Variants in MAP2K1 observed in about 807,000 individuals in gnomAD.
The protein encoded by MAP2K1 is mitogen-activated protein kinase kinase 1, also known as dual specificity mitogen-activated protein kinase kinase 1.
In MAP2K1, 16 loss-of-function variants were observed where a neutral mutation model predicts 46.3. The ratio of observed to expected loss-of-function variants is 0.35; its 90% confidence interval spans 0.23 to 0.52. The LOEUF (loss-of-function observed/expected upper bound fraction) is 0.52. Ranked by LOEUF, MAP2K1 falls within the 20% of genes least tolerant of loss-of-function variation. MAP2K1 has a pLI of 0.94. For synonymous variants in MAP2K1, 183 were observed against 185.6 expected, an observed-to-expected ratio of 0.99 and a Z score of 0.11; for missense variants, 263 against 497.1, an observed-to-expected ratio of 0.53 and a Z score of 4.48.
intron 4 of MAP2K1, among the ~76,000 whole-genome samples, chr15:66,443,700 G>A (rs1595865292): frequency 6.6e-6 from 1 of 151,688 alleles, no homozygotes; most frequent in Admixed American, 6.6e-5. Context: ...ATGAGACCTC[G>A]CTTCTACAAA....
At chr15:66,446,767 C>A in intron 5 of MAP2K1, 2 of 315,284 alleles carry the variant, frequency 6.3e-6, no homozygotes, top group Non-Finnish European at 1.3e-5. Flanking sequence ...GGCCTTGCAC[C>A]ACAGCCTTCC....
At chr15:66,472,723 G>T (rs933768980) in intron 5 of MAP2K1, among the ~76,000 whole-genome samples, 1 of 152,218 alleles carries the variant, frequency 6.6e-6, no homozygotes, top group Non-Finnish European at 1.5e-5. Context: ...TCCATTACGG[G>T]TTATCCCAAG....
chr15:66,388,970 G>T (rs868752230), intron 1 of MAP2K1, among the ~76,000 whole-genome samples: 1 of 144,882 alleles, frequency 6.9e-6, no homozygotes, highest in African/African-American at 2.6e-5. Context: ...GCAATGGTGC[G>T]ATCTTGGCTA....
intron 5 of MAP2K1, among the ~76,000 whole-genome samples, chr15:66,474,135 A>G (rs1262507868): frequency 6.6e-6 from 1 of 152,056 alleles, no homozygotes; most frequent in Non-Finnish European, 1.5e-5. Flanking sequence ...TAGGGAGGGT[A>G]GAGAAGGAGA....
chr15:66,469,719 C>T (rs79477238), intron 5 of MAP2K1, among the ~76,000 whole-genome samples: 1 of 144,864 alleles, frequency 6.9e-6, no homozygotes, highest in African/African-American at 2.5e-5. Flanking sequence ...CACACACACA[C>T]ACACATATCG....
At chr15:66,486,101 A>G (rs555258776) in intron 7 of MAP2K1, among the ~76,000 whole-genome samples, 106 of 152,040 alleles carry the variant, frequency 7.0e-4, no homozygotes, top group Non-Finnish European at 1.2e-3. Context: ...AGGTCTCACT[A>G]TGTTGACTAG....
intron 1 of MAP2K1, among the ~76,000 whole-genome samples, chr15:66,426,638 A>G (rs950624535): frequency 1.3e-5 from 2 of 152,180 alleles, no homozygotes; most frequent in South Asian, 2.1e-4. Context: ...GGTCTTTCAC[A>G]TTGTGGTGAA....
At chr15:66,394,753 G>A (rs1299000017) in intron 1 of MAP2K1, among the ~76,000 whole-genome samples, 1 of 152,122 alleles carries the variant, frequency 6.6e-6, no homozygotes, top group Non-Finnish European at 1.5e-5. Flanking sequence ...TGTCTGGCCT[G>A]ATAAGTAGGA....
chr15:66,417,090 G>C (rs1361593764), intron 1 of MAP2K1, among the ~76,000 whole-genome samples: 1 of 152,170 alleles, frequency 6.6e-6, no homozygotes. Flanking sequence ...AACAGGTATT[G>C]TTAGCCCAAA....
chr15:66,444,129 T>C (rs1891797732), intron 4 of MAP2K1, among the ~76,000 whole-genome samples: 1 of 150,648 alleles, frequency 6.6e-6, no homozygotes, highest in South Asian at 2.1e-4. Flanking sequence ...TCCCAGCTAC[T>C]CGGGAGGCTG....
chr15:66,472,389 AC>A (rs2140652287), intron 5 of MAP2K1, among the ~76,000 whole-genome samples: 1 of 151,924 alleles, frequency 6.6e-6, no homozygotes, highest in African/African-American at 2.4e-5. Flanking sequence ...CCAGCTGTCT[AC>A]CAGATGGAAC....
chr15:66,443,241 G>C (rs1463563405), intron 3 of MAP2K1, 39 bp from the exon 4 acceptor site: 1 of 1,297,966 alleles, frequency 7.7e-7, no homozygotes, highest in Admixed American at 1.7e-5. Context: ...AGAATAGTTA[G>C]AACATTGTCA....
At chr15:66,402,131 T>C (rs1269747397) in intron 1 of MAP2K1, among the ~76,000 whole-genome samples, 1 of 152,252 alleles carries the variant, frequency 6.6e-6, no homozygotes, top group Admixed American at 6.5e-5. Context: ...AGAAAAAATA[T>C]TTCATTTTTA....
At chr15:66,393,758 C>T (rs555449419) in intron 1 of MAP2K1, among the ~76,000 whole-genome samples, 16 of 152,220 alleles carry the variant, frequency 1.1e-4, no homozygotes, top group Non-Finnish European at 2.2e-4. Context: ...AGGTTGGGCA[C>T]ATTCTTATCT....
chr15:66,389,114 C>T (rs2093350667), intron 1 of MAP2K1, among the ~76,000 whole-genome samples: 1 of 151,940 alleles, frequency 6.6e-6, no homozygotes, highest in East Asian at 2.0e-4. Flanking sequence ...CCAAGTTGTT[C>T]AGGCTGGTGG....
intron 1 of MAP2K1, among the ~76,000 whole-genome samples, chr15:66,412,659 A>C (rs1044760586): frequency 2.6e-5 from 4 of 152,130 alleles, no homozygotes; most frequent in Non-Finnish European, 4.4e-5. Flanking sequence ...AGATATTTAA[A>C]TATTAAAACA....
intron 3 of MAP2K1, among the ~76,000 whole-genome samples, chr15:66,440,736 T>G (rs999626211): frequency 1.3e-5 from 2 of 152,216 alleles, no homozygotes; most frequent in African/African-American, 4.8e-5. Context: ...ATTGACTTAG[T>G]TAATAATTGG....
Position 66,463,341 on chromosome 15 carries a change from C to T in MAP2K1, c.569-18414C>T, listed in dbSNP as rs140689029. On this transcript the variant is annotated intron_variant, in intron 5 of 10. Coordinates refer to ENST00000307102, the MANE Select transcript of MAP2K1 (RefSeq NM_002755.4). ...TGGAACAGTATAGATCCTCCTGGCA[C>T]TGAGGGGGTGTGAACCCCAAATATC... Among the ~76,000 whole-genome samples, 646 of 152,336 alleles carry T rather than the reference C, an allele frequency of 4.2e-3. 5 individuals carry two copies. The highest frequency in any genetic ancestry group is 6.8e-3 in the Middle Eastern group (2 of 294).
intron 5 of MAP2K1, chr15:66,446,649 C>T: frequency 2.5e-6 from 1 of 393,234 alleles, no homozygotes. Context: ...AAGCACATCT[C>T]TTGCCCAAAT....
Sources: allele counts gnomAD v4.1 joint callset (sites outside exome capture counted in the v4.1 genomes callset), GRCh38; gene constraint gnomAD v4.1.1; transcripts MANE v1.5; gene names NCBI Gene and HGNC (gene_info 2026-07-23, HGNC 2026-07-21).